Variants in DNAJC5B observed in about 807,000 individuals in gnomAD.
DNAJC5B encodes DnaJ heat shock protein family (Hsp40) member C5 beta, also known as dnaJ homolog subfamily C member 5B.
In DNAJC5B, 23 loss-of-function variants were observed where a neutral mutation model predicts 24.7. The observed-to-expected ratio is 0.93, with a 90% confidence interval of 0.67 to 1.32. The LOEUF (loss-of-function observed/expected upper bound fraction) is 1.32, where lower values mean the gene tolerates loss of function less well. DNAJC5B is among the 40% of genes most tolerant of loss of function. The pLI is 0.00. For missense variants in DNAJC5B, 238 were observed against 240.8 expected, an observed-to-expected ratio of 0.99 and a Z score of 0.08; for synonymous variants, 101 against 90.1, an observed-to-expected ratio of 1.12 and a Z score of -0.68.
chr8:66,042,823 G>C (rs528251017), intron 1 of DNAJC5B, among the ~76,000 whole-genome samples: 169 of 151,202 alleles, frequency 1.1e-3, no homozygotes, highest in Non-Finnish European at 1.7e-3. Flanking sequence ...CTCTCAACTA[G>C]AGGTGAGAGT....
At chr8:66,049,584 A>C (rs1215876285) in intron 2 of DNAJC5B, among the ~76,000 whole-genome samples, 2 of 152,194 alleles carry the variant, frequency 1.3e-5, no homozygotes, top group African/African-American at 4.8e-5. Flanking sequence ...GTTTGTGTAA[A>C]TACACTCTGT....
chr8:66,043,841 C>G, intron 2 of DNAJC5B, among the ~76,000 whole-genome samples: 1 of 118,576 alleles, frequency 8.4e-6, no homozygotes, highest in Non-Finnish European at 1.6e-5. Flanking sequence ...TTTTTTTTTC[C>G]TTTGAGATGG....
chr8:66,080,249 G>A, intron 4 of DNAJC5B, 128 bp from the exon 5 acceptor site: 5 of 1,330,992 alleles, frequency 3.8e-6, no homozygotes, highest in Non-Finnish European at 4.1e-6. Flanking sequence ...GGGTGAAGAT[G>A]TGGCCTGTGG....
intron 5 of DNAJC5B, among the ~76,000 whole-genome samples, chr8:66,082,833 A>C (rs555614348): frequency 6.6e-6 from 1 of 152,208 alleles, no homozygotes; most frequent in South Asian, 2.1e-4. Context: ...CAAGGCTTAA[A>C]TACTTAACAA....
chr8:66,042,378 T>C (rs553194564), intron 1 of DNAJC5B, among the ~76,000 whole-genome samples: 8 of 152,320 alleles, frequency 5.3e-5, no homozygotes, highest in African/African-American at 1.7e-4. Flanking sequence ...AGGAGAGTGA[T>C]TCATTGTGCA....
chr8:66,050,532 A>G (rs111560077), intron 2 of DNAJC5B, among the ~76,000 whole-genome samples: 2,212 of 152,258 alleles, frequency 0.015, 65 homozygotes, highest in African/African-American at 0.051. Flanking sequence ...AGATAGTTCT[A>G]TATTTTTAAA....
At chr8:66,016,872 C>T (rs1485693170), upstream of DNAJC5B, among the ~76,000 whole-genome samples, 3 of 152,164 alleles carry the variant, frequency 2.0e-5, no homozygotes, top group Admixed American at 1.3e-4. Context: ...ATATTAGCAG[C>T]AGTCTTTTGG....
intron 4 of DNAJC5B, 84 bp from the exon 5 acceptor site, chr8:66,080,293 A>G: frequency 6.5e-7 from 1 of 1,541,092 alleles, no homozygotes; most frequent in Non-Finnish European, 8.8e-7. Flanking sequence ...CTCTGGGGGT[A>G]CCTGGGTACA....
chr8:66,031,455 AT>A (rs367868108), intron 1 of DNAJC5B, among the ~76,000 whole-genome samples: 17 of 152,168 alleles, frequency 1.1e-4, no homozygotes, highest in East Asian at 3.9e-4. Context: ...AAAGCAACCT[AT>A]TTTTTTTAAG....
intron 2 of DNAJC5B, among the ~76,000 whole-genome samples, chr8:66,049,003 C>T (rs1806787492): frequency 6.6e-6 from 1 of 152,254 alleles, no homozygotes; most frequent in Non-Finnish European, 1.5e-5. Flanking sequence ...CTTGGTACTT[C>T]TCTGACCCTG....
upstream of DNAJC5B, among the ~76,000 whole-genome samples, chr8:66,020,009 C>T (rs10104877): frequency 0.47 from 71,440 of 152,162 alleles, 21,562 homozygotes; most frequent in African/African-American, 0.86. Context: ...TTATGACCTA[C>T]GGGAATACTT....
chr8:66,053,718 C>T (rs1373926963), intron 3 of DNAJC5B, among the ~76,000 whole-genome samples: 1 of 152,060 alleles, frequency 6.6e-6, no homozygotes, highest in Non-Finnish European at 1.5e-5. Flanking sequence ...CAACCTCCGC[C>T]TCCCAGGTTC....
chr8:66,054,899 G>C (rs1360772504), intron 3 of DNAJC5B, among the ~76,000 whole-genome samples: 1 of 151,962 alleles, frequency 6.6e-6, no homozygotes, highest in Non-Finnish European at 1.5e-5. Flanking sequence ...AGGTGGGAGG[G>C]AATGCCATAA....
intron 3 of DNAJC5B, among the ~76,000 whole-genome samples, chr8:66,070,114 G>T (rs1397990329): frequency 6.6e-6 from 1 of 152,122 alleles, no homozygotes; most frequent in Non-Finnish European, 1.5e-5. Context: ...TACTGAATGG[G>T]CAAAAACTGG....
At chr8:66,074,375 T>G (rs1284404507) in intron 3 of DNAJC5B, among the ~76,000 whole-genome samples, 6 of 152,218 alleles carry the variant, frequency 3.9e-5, no homozygotes, top group Admixed American at 6.5e-5. Context: ...AATAGGAAGA[T>G]CTTGAGGGCT....
chr8:66,100,102 C>A lies in DNAJC5B; in HGVS notation c.*71C>A, dbSNP rs561734141. 9.4e-4 allele frequency: 1,249 copies of A among 1,326,792 alleles called. 3 individuals are homozygous for A. Among genetic ancestry groups the A allele is most frequent in the Non-Finnish European group, 9.0e-4 (865 of 956,024 alleles). 82.2% of individuals were successfully genotyped at this position (1,326,792 alleles called of 1,614,324 possible). A position where few individuals can be genotyped will look rare whatever the true frequency, so the allele number is the denominator to read the frequency against. ...TTGTCTCCAGATGGTCGTAGGGGAG[C>A]GTGTGGGGCATAAAGTGCTGTGAAC... On this transcript the variant is annotated 3_prime_UTR_variant, in exon 6 of 6. Coordinates refer to ENST00000276570, the MANE Select transcript of DNAJC5B (RefSeq NM_033105.6).
chr8:66,020,557 C>T (rs965339237), upstream of DNAJC5B, among the ~76,000 whole-genome samples: 4 of 150,706 alleles, frequency 2.7e-5, no homozygotes, highest in Admixed American at 1.3e-4. Flanking sequence ...GTCCCTTACT[C>T]AACACTAGAA....
At chr8:66,083,672 T>C (rs1037513016) in intron 5 of DNAJC5B, among the ~76,000 whole-genome samples, 5 of 152,190 alleles carry the variant, frequency 3.3e-5, no homozygotes, top group African/African-American at 1.2e-4. Context: ...GCAAGTGAAT[T>C]GGCACAGTGA....
the DNAJC5B span, among the ~76,000 whole-genome samples, chr8:66,015,515 C>G: frequency 6.6e-6 from 1 of 151,082 alleles, no homozygotes; most frequent in Non-Finnish European, 1.5e-5. Context: ...ATAGAAAAGA[C>G]TTGAGAATGT....
Sources: gnomAD v4.1 joint callset for allele counts (sites outside exome capture counted in the v4.1 genomes callset) on GRCh38, gnomAD v4.1.1 for gene constraint, MANE v1.5 for transcripts, NCBI Gene and HGNC (gene_info 2026-07-23, HGNC 2026-07-21) for gene names.